Variants in SECISBP2 observed in about 807,000 individuals in gnomAD.
The protein encoded by SECISBP2 is selenocysteine insertion sequence-binding protein 2.
SECISBP2 carries 96 observed loss-of-function variants against 98.2 expected under a neutral mutation model. That is an observed-to-expected ratio of 0.98 (90% CI 0.83 to 1.16). SECISBP2 has a LOEUF of 1.16. Among genes scored for constraint, SECISBP2 ranks in the 50% most tolerant of loss-of-function variants. SECISBP2 has a pLI of 0.00. For missense variants in SECISBP2, 1,046 were observed against 1,022.9 expected (o/e 1.02, Z -0.31); for synonymous variants, 407 against 370.2 (o/e 1.10, Z -1.14).
chr9:89,334,981 A>G (rs1244536282), intron 7 of SECISBP2, among the ~76,000 whole-genome samples: 1 of 152,152 alleles, frequency 6.6e-6, no homozygotes, highest in Admixed American at 6.5e-5. Context: ...TTGGGAGGCC[A>G]AGGCGGGCAG....
intron 6 of SECISBP2, 110 bp from the exon 7 acceptor site, chr9:89,334,412 A>T: frequency 1.1e-6 from 1 of 942,032 alleles, no homozygotes; most frequent in Non-Finnish European, 1.7e-6. Context: ...ATGATAGCCT[A>T]CATTTAATGA....
At chr9:89,349,649 T>C in intron 12 of SECISBP2, 127 bp from the exon 13 acceptor site, 1 of 1,002,866 alleles carries the variant, frequency 1.0e-6, no homozygotes, top group South Asian at 1.3e-5. Context: ...CCTCTCTGCA[T>C]GTTGTCTGTG....
downstream of SECISBP2, chr9:89,363,775 C>A (rs370932643): frequency 5.0e-6 from 8 of 1,613,666 alleles, no homozygotes; most frequent in African/African-American, 1.1e-4. Context: ...CCTTCGAAGT[C>A]TTGTTCCCTG....
chr9:89,333,407 T>C (rs1211346625), intron 6 of SECISBP2, among the ~76,000 whole-genome samples: 1 of 152,240 alleles, frequency 6.6e-6, no homozygotes, highest in Non-Finnish European at 1.5e-5. Flanking sequence ...TTAAGCGTAT[T>C]GCATTTTAAG....
intron 1 of SECISBP2, 158 bp downstream of exon 1, chr9:89,318,770 C>T (rs1359321072): frequency 1.6e-6 from 2 of 1,245,148 alleles, no homozygotes; most frequent in African/African-American, 3.2e-5. Flanking sequence ...TCTTCGCGCC[C>T]CGCCTCGGGT....
chr9:89,364,087 T>C (rs764365186), downstream of SECISBP2: 36 of 1,550,744 alleles, frequency 2.3e-5, no homozygotes, highest in Non-Finnish European at 3.1e-5. Context: ...ATTCAGTCCC[T>C]GGGACTGCCC....
intron 13 of SECISBP2, 33 bp from the exon 14 acceptor site, chr9:89,350,599 G>A: frequency 6.3e-7 from 1 of 1,590,682 alleles, no homozygotes. Flanking sequence ...CACAGCCAGT[G>A]GCACAATTCC....
intron 11 of SECISBP2, among the ~76,000 whole-genome samples, chr9:89,347,824 C>G (rs1182311810): frequency 6.6e-6 from 1 of 152,174 alleles, no homozygotes; most frequent in African/African-American, 2.4e-5. Flanking sequence ...CAGGCAAGTG[C>G]TGAGCTGCAG....
In SECISBP2 at chr9:89,328,710, G is replaced by T. The variant is rs754993625; in HGVS notation, c.625G>T (p.Val209Leu). ...DRKSRIIAKN[V>L]STSKPEFEFT... is the part of the protein sequence containing the mutation. ...GAAATCCAGAATCATTGCAAAAAAT[G>T]TATCTACCTCCAAACCTGAGTTTGA... The change falls in exon 5 of 17, where the codon GTA becomes TTA. Residue 209 changes from valine to leucine, a missense_variant. Transcript: ENST00000375807. 8 of 1,614,180 alleles carry T rather than the reference G, an allele frequency of 5.0e-6. No homozygotes were observed. Among genetic ancestry groups the T allele is most frequent in the Middle Eastern group, 1.6e-4 (1 of 6,062 alleles).
At chr9:89,318,992 G>A in intron 1 of SECISBP2, 2 of 1,062,016 alleles carry the variant, frequency 1.9e-6, no homozygotes, top group Non-Finnish European at 2.3e-6. Context: ...TCCGCTCTAC[G>A]TACTCAGCAT....
In SECISBP2 at chr9:89,357,994, C is replaced by G. The variant is rs764066195; in HGVS notation, c.2269-5C>G. 1 of 1,612,632 alleles carries G rather than the reference C, an allele frequency of 6.2e-7. No homozygotes were observed. The highest frequency in any genetic ancestry group is 8.5e-7 in the Non-Finnish European group (1 of 1,179,920). ...GTTACCTGTGTGCTCTCACTTGTGC[C>G]CAAGGATCAGTTCCACAAGATGGTT... On this transcript the variant is annotated splice_polypyrimidine_tract_variant and splice_region_variant and intron_variant, in intron 15 of 16. Coordinates refer to ENST00000375807, the MANE Select transcript of SECISBP2 (RefSeq NM_024077.5).
chr9:89,362,536 C>T (rs1832855608), downstream of SECISBP2: 1 of 1,591,202 alleles, frequency 6.3e-7, no homozygotes, highest in Admixed American at 1.7e-5. Context: ...CTCAAGGCCT[C>T]AGCCCCCTGT....
intron 10 of SECISBP2, among the ~76,000 whole-genome samples, chr9:89,345,707 A>C (rs1456146486): frequency 6.6e-6 from 1 of 151,428 alleles, no homozygotes; most frequent in African/African-American, 2.4e-5. Flanking sequence ...GGCTTGTGGC[A>C]GGTTTTGCAG....
At chr9:89,343,170 G>A (rs1829907328) in intron 10 of SECISBP2, among the ~76,000 whole-genome samples, 1 of 152,146 alleles carries the variant, frequency 6.6e-6, no homozygotes, top group Admixed American at 6.5e-5. Context: ...TGCTGATGTG[G>A]CTGCCTCTTT....
intron 5 of SECISBP2, chr9:89,329,247 G>T: frequency 3.8e-6 from 1 of 260,258 alleles, no homozygotes; most frequent in Non-Finnish European, 7.5e-6. Context: ...CGAGTAGCTG[G>T]GACTACGGGC....
chr9:89,345,000 A>G (rs1371626803), intron 10 of SECISBP2, among the ~76,000 whole-genome samples: 2 of 152,138 alleles, frequency 1.3e-5, no homozygotes, highest in Non-Finnish European at 2.9e-5. Flanking sequence ...TTCTGGTAGT[A>G]TTTCTTCTGG....
chr9:89,320,342 T>C (rs3763617), intron 2 of SECISBP2, among the ~76,000 whole-genome samples: 22,425 of 125,512 alleles, frequency 0.18, 2,253 homozygotes, highest in Admixed American at 0.38. Flanking sequence ...GCTGACAGAG[T>C]GAGACTCTGT....
At chr9:89,330,452 A>C (rs955425979) in intron 5 of SECISBP2, 1 of 152,250 alleles carries the variant, frequency 6.6e-6, no homozygotes. Flanking sequence ...TAAAGAAAAC[A>C]GGCCTCACCC....
At chr9:89,324,905 C>T (rs1826422257) in intron 2 of SECISBP2, 1 of 159,980 alleles carries the variant, frequency 6.3e-6, no homozygotes. Context: ...TGGTGTCCAT[C>T]TGTTAGTAAA....
Sources: allele counts gnomAD v4.1 joint callset (sites outside exome capture counted in the v4.1 genomes callset), GRCh38; gene constraint gnomAD v4.1.1; transcripts MANE v1.5; gene names NCBI Gene and HGNC (gene_info 2026-07-23, HGNC 2026-07-21).